AMOT: variants seen among roughly 807,000 people sequenced by gnomAD.
AMOT encodes the protein angiomotin.
Under a neutral mutation model 67.0 loss-of-function variants are expected in AMOT, and 11 were observed. The observed-to-expected ratio is 0.16, with a 90% CI of 0.10 to 0.27. AMOT has a LOEUF of 0.27. AMOT is among the 10% of genes least tolerant of loss of function. The pLI is 1.00. For synonymous variants in AMOT, 326 were observed against 321.4 expected (o/e 1.01, Z -0.15); for missense variants, 753 against 852.0 (o/e 0.88, Z 1.45).
In AMOT at chrX:112,811,498, A is replaced by G. The variant is rs544369396; in HGVS notation, c.1393-105T>C. On this transcript the variant is annotated intron_variant, in intron 5 of 13. Coordinates refer to ENST00000371959, the MANE Select transcript of AMOT (RefSeq NM_001113490.2). Reference sequence around the variant, plus strand: ...TCGCTGACAGCTTCTCCCAGGGCTCACAGATGGCCAGGAGGCAAGCATAAC... The same window carrying G: ...TCGCTGACAGCTTCTCCCAGGGCTCGCAGATGGCCAGGAGGCAAGCATAAC... The G allele has an allele frequency of 1.5e-5, 14 of 923,533 alleles. No homozygotes were observed. In the Admixed American group the frequency reaches 1.5e-4, roughly 10 times the overall value. The allele number at this position is 923,533 out of a possible 1,213,427, so 76.1% of individuals were successfully genotyped here. A position where few individuals can be genotyped will look rare whatever the true frequency, so the allele number is the denominator to read the frequency against.
At chrX:112,823,724 G>C (rs1385938853) in intron 3 of AMOT, among the ~76,000 whole-genome samples, 1 of 111,990 alleles carries the variant, frequency 8.9e-6, no homozygotes, top group Admixed American at 9.4e-5. Context: ...TCCCTGCCTC[G>C]ATGCAAATCT....
At chrX:112,793,336 G>C (rs1455627847) in intron 8 of AMOT, among the ~76,000 whole-genome samples, 1 of 111,565 alleles carries the variant, frequency 9.0e-6, no homozygotes, top group Non-Finnish European at 1.9e-5. Context: ...GAGTTACCTA[G>C]GTAGATAACT....
intron 10 of AMOT, among the ~76,000 whole-genome samples, chrX:112,787,506 G>A (rs190378172): frequency 9.0e-6 from 1 of 111,731 alleles, no homozygotes. Context: ...ATTGCCTGGG[G>A]TCAGGCATGG....
chrX:112,824,407 C>CTCCCAGGG (rs1205926723), intron 3 of AMOT, among the ~76,000 whole-genome samples: 1 of 111,928 alleles, frequency 8.9e-6, no homozygotes, highest in Non-Finnish European at 1.9e-5. Context: ...TTCTAGATGG[C>CTCCCAGGG]AACTCTGGAT....
intron 8 of AMOT, among the ~76,000 whole-genome samples, chrX:112,801,454 C>G (rs1569397155): frequency 9.0e-6 from 1 of 111,462 alleles, no homozygotes; most frequent in African/African-American, 3.3e-5. Flanking sequence ...ACCAAGAAAA[C>G]AGGTCTGATT....
rs185251652 is a variant in AMOT at position 112,781,837 on chromosome X, C to G, written c.2240+703G>C. On this transcript the variant is annotated intron_variant, in intron 11 of 13. Coordinates refer to ENST00000371959, the MANE Select transcript of AMOT (RefSeq NM_001113490.2). The stretch of plus-strand genomic sequence containing the variant: ...AACCTGCAGGTAGTAAGTAAATGAT[C>G]ATGTGTTTATAAAAGGAATCAGGTA... Among the ~76,000 whole-genome samples, 232 of 111,665 alleles carry G rather than the reference C, an allele frequency of 2.1e-3. 3 individuals are homozygous for G. The highest frequency in any genetic ancestry group is 6.9e-3 in the African/African-American group (213 of 30,698).
chrX:112,839,934 C>A (rs780958339), intron 1 of AMOT, among the ~76,000 whole-genome samples: 1 of 111,579 alleles, frequency 9.0e-6, no homozygotes, highest in African/African-American at 3.3e-5. Flanking sequence ...CCACCACCAC[C>A]ACACATCTCA....
At position 112,791,916 on chromosome X, in the gene AMOT, C is replaced by A. The variant is rs764453662; in HGVS notation, c.1842G>T (p.Gln614His). 8.3e-7 allele frequency: 1 copy of A among 1,211,971 alleles called. No homozygotes were observed. The highest frequency in any genetic ancestry group is 1.1e-6 in the Non-Finnish European group (1 of 895,521). ...GCTGCTCACGTTTTTCACATGCTGC[C>A]TGGAGCTGTACAAGGGCCTGCTGCA... ...EKMQQALVQL[Q>H]AACEKREQLE... The change falls in exon 9 of 14, where the codon CAG (glutamine) becomes CAT (histidine). Residue 614 changes from glutamine (Q) to histidine (H), a missense_variant. Physicochemically the swap from Gln to His is conservative, Grantham distance 24. This residue lies in a region of AMOT where 66 missense variants were observed against 112.9 expected (regional missense o/e 0.58). Coordinates refer to ENST00000371959, the MANE Select transcript of AMOT (RefSeq NM_001113490.2).
At chrX:112,828,558 T>C (rs1248064878) in intron 2 of AMOT, among the ~76,000 whole-genome samples, 2 of 109,373 alleles carry the variant, frequency 1.8e-5, no homozygotes, top group East Asian at 2.8e-4. Context: ...GGTTGTTTTT[T>C]TGAAAAACAA....
At position 112,825,635 on chromosome X, in the gene AMOT, G is replaced by A. The variant is rs758533500; in HGVS notation, c.-211-415C>T. 6.3e-5 allele frequency among the ~76,000 whole-genome samples: 7 copies of A among 110,917 alleles called. No homozygotes were observed. The East Asian group carries it at 2.0e-3, about 32-fold the overall frequency. On this transcript the variant is annotated intron_variant, in intron 2 of 13. Transcript: ENST00000371959. ...ACTGTCCCACATCCCAGAAGGGAGGGCAGTCATCATAAGGTAGGTTTTTGG... is the reference window on the plus strand; with the variant it reads ...ACTGTCCCACATCCCAGAAGGGAGGACAGTCATCATAAGGTAGGTTTTTGG...
intron 7 of AMOT, among the ~76,000 whole-genome samples, chrX:112,808,004 C>T (rs1016532644): frequency 5.4e-5 from 6 of 111,838 alleles, no homozygotes; most frequent in East Asian, 2.8e-4. Flanking sequence ...AGACCTCACA[C>T]CAGAAACTCA....
At chrX:112,807,790 G>A (rs758826957) in intron 7 of AMOT, among the ~76,000 whole-genome samples, 10 of 112,196 alleles carry the variant, frequency 8.9e-5, no homozygotes, top group African/African-American at 2.3e-4. Context: ...TCATCACCAC[G>A]ATTAGTAATG....
intron 7 of AMOT, among the ~76,000 whole-genome samples, chrX:112,806,430 T>C (rs1337732582): frequency 9.2e-6 from 1 of 108,116 alleles, no homozygotes; most frequent in Non-Finnish European, 1.9e-5. Flanking sequence ...TACTTGCATG[T>C]GTGTGCATAT....
At chrX:112,781,650 C>T (rs1933178946) in intron 11 of AMOT, among the ~76,000 whole-genome samples, 2 of 109,701 alleles carry the variant, frequency 1.8e-5, no homozygotes, top group Non-Finnish European at 3.8e-5. Context: ...AGCAGAGCAT[C>T]CAGGAGCTGT....
chrX:112,796,962 A>AG (rs1933842762), intron 8 of AMOT, among the ~76,000 whole-genome samples: 1 of 112,137 alleles, frequency 8.9e-6, no homozygotes. Flanking sequence ...TCCAAATGTC[A>AG]GGAACGCTGA....
chrX:112,792,851 A>AT (rs1933660940), intron 8 of AMOT, among the ~76,000 whole-genome samples: 1 of 111,519 alleles, frequency 9.0e-6, no homozygotes, highest in Non-Finnish European at 1.9e-5. Flanking sequence ...CATATCCAAA[A>AT]GCAAATGTAG....
intron 10 of AMOT, among the ~76,000 whole-genome samples, chrX:112,784,625 G>GGAGAGC (rs761210831): frequency 8.9e-6 from 1 of 111,892 alleles, no homozygotes; most frequent in Non-Finnish European, 1.9e-5. Flanking sequence ...GAGAGGTGGA[G>GGAGAGC]GAGAGCGAGA....
At chrX:112,823,291 A>G in intron 3 of AMOT, 103 bp from the exon 4 acceptor site, 1 of 498,109 alleles carries the variant, frequency 2.0e-6, no homozygotes, top group Non-Finnish European at 3.3e-6. Context: ...GATTGCAGAA[A>G]CAAAGTAGAG....
intron 5 of AMOT, among the ~76,000 whole-genome samples, chrX:112,814,244 G>A (rs1934466411): frequency 9.3e-6 from 1 of 107,246 alleles, no homozygotes; most frequent in African/African-American, 3.4e-5. Context: ...TGCACTGCAG[G>A]CTAGGTAACA....
Sources: allele counts gnomAD v4.1 joint callset (sites outside exome capture counted in the v4.1 genomes callset), GRCh38; gene constraint gnomAD v4.1.1; regional missense constraint gnomAD v4.1.1; transcripts MANE v1.5; gene names NCBI Gene and HGNC (gene_info 2026-07-23, HGNC 2026-07-21).